USP32: variants seen among roughly 807,000 people sequenced by gnomAD.
The protein encoded by USP32 is ubiquitin carboxyl-terminal hydrolase 32.
USP32 carries 59 observed loss-of-function variants against 204.8 expected under a neutral mutation model. The ratio of observed to expected loss-of-function variants is 0.29; its 90% CI spans 0.23 to 0.36. USP32 has a LOEUF of 0.36. USP32 is among the 10% of genes least tolerant of loss of function. The probability of loss-of-function intolerance (pLI) is 1.00; values close to 1 mark genes in which losing one functional copy is unlikely to be tolerated. For missense variants in USP32, 1,160 were observed against 1,946.4 expected (o/e 0.60, Z 7.60); for synonymous variants, 517 against 678.4 (o/e 0.76, Z 3.70).
chr17:60,338,339 A>C (rs951257924), intron 2 of USP32, among the ~76,000 whole-genome samples: 1 of 151,928 alleles, frequency 6.6e-6, no homozygotes, highest in Non-Finnish European at 1.5e-5. Context: ...AAAAAAAAAA[A>C]AATACTACAT....
intron 2 of USP32, among the ~76,000 whole-genome samples, chr17:60,313,989 A>G (rs1224926037): frequency 6.6e-6 from 1 of 152,142 alleles, no homozygotes; most frequent in Non-Finnish European, 1.5e-5. Context: ...GGTATACAAG[A>G]AGTTTAAAAC....
In USP32 at chr17:60,177,681, G is replaced by A. The variant is rs1404405357; in HGVS notation, c.*1574C>T. 2.0e-5 allele frequency among the ~76,000 whole-genome samples: 3 copies of A among 152,054 alleles called. No homozygotes were observed. Among genetic ancestry groups the A allele is most frequent in the Non-Finnish European group, 4.4e-5 (3 of 67,992 alleles). On this transcript the variant is annotated 3_prime_UTR_variant, in exon 34 of 34. Coordinates refer to ENST00000300896, the MANE Select transcript of USP32 (RefSeq NM_032582.4). The stretch of plus-strand genomic sequence containing the variant: ...GACTTTATTACATTAGACAATTTAG[G>A]CCAGTCCTACCTACTTGCAATTATA...
intron 7 of USP32, among the ~76,000 whole-genome samples, chr17:60,268,509 G>A (rs2086652047): frequency 6.9e-6 from 1 of 145,794 alleles, no homozygotes; most frequent in South Asian, 2.2e-4. Context: ...GAAGTTCAAG[G>A]TTACAGTGAG....
rs1187939098 is a variant in USP32, at chr17:60,349,596, AATATAT to A, written c.59-3994_59-3989del. Among the ~76,000 whole-genome samples, 61 of 65,166 alleles carry A rather than the reference AATATAT, an allele frequency of 9.4e-4. 1 individual carries two copies. Among genetic ancestry groups the A allele is most frequent in the South Asian group, 2.2e-3 (4 of 1,848 alleles). The allele number at this position is 65,166 out of a possible 152,430, so 42.8% of individuals were successfully genotyped here. Reference sequence around the variant, plus strand: ...CTCAAAAGAAAAAAAAAAAAAAAAAAATATATATATATATATATATATATATATTAT... The same window carrying A: ...CTCAAAAGAAAAAAAAAAAAAAAAAAATATATATATATATATATATATTAT... On this transcript the variant is annotated intron_variant, in intron 1 of 33. Transcript: ENST00000300896.
intron 2 of USP32, among the ~76,000 whole-genome samples, chr17:60,322,991 A>G (rs1167072934): frequency 6.6e-6 from 1 of 152,208 alleles, no homozygotes. Context: ...AATAAAAAAC[A>G]CAGATTAATT....
chr17:60,324,274 C>T (rs982479512), intron 2 of USP32, among the ~76,000 whole-genome samples: 13 of 141,754 alleles, frequency 9.2e-5, no homozygotes, highest in African/African-American at 3.6e-4. Flanking sequence ...ACAGCAAGAC[C>T]GTGTTTCAAA....
At position 60,381,590 on chromosome 17, in the gene USP32, G is replaced by A. The variant is rs2089648276; in HGVS notation, c.58+10292C>T. On this transcript the variant is annotated intron_variant, in intron 1 of 33. Transcript: ENST00000300896. ...CTCTTCTTCAGTGGAAGGTACGTAT[G>A]CCCTATGGTTTGAAGTCAGTCGTTT... Among the ~76,000 whole-genome samples the A allele has an allele frequency of 6.6e-5, 10 of 152,242 alleles. No individual in the cohort carries two copies. The South Asian group carries it at 2.1e-3, about 32-fold the overall frequency.
chr17:60,241,944 C>T (rs1192557574), intron 11 of USP32, among the ~76,000 whole-genome samples: 1 of 152,088 alleles, frequency 6.6e-6, no homozygotes, highest in African/African-American at 2.4e-5. Flanking sequence ...ATCTTCTAAT[C>T]CCAAATCACA....
chr17:60,198,549 A>C, intron 26 of USP32, 105 bp from the exon 27 acceptor site: 1 of 1,344,818 alleles, frequency 7.4e-7, no homozygotes, highest in Non-Finnish European at 1.0e-6. Flanking sequence ...CACCATTTCA[A>C]ATCAGTCACT....
At chr17:60,262,171 ATTTTG>A (rs1280191470) in intron 9 of USP32, among the ~76,000 whole-genome samples, 1 of 151,934 alleles carries the variant, frequency 6.6e-6, no homozygotes, top group African/African-American at 2.4e-5. Flanking sequence ...TGGCTTATTT[ATTTTG>A]TTTTATGTAT....
At chr17:60,188,132 C>T (rs1279478029) in intron 29 of USP32, among the ~76,000 whole-genome samples, 2 of 152,052 alleles carry the variant, frequency 1.3e-5, no homozygotes, top group Non-Finnish European at 2.9e-5. Flanking sequence ...AGGTGCACAC[C>T]ACCACACCTG....
At chr17:60,376,546 C>G (rs1433128923) in intron 1 of USP32, among the ~76,000 whole-genome samples, 2 of 148,890 alleles carry the variant, frequency 1.3e-5, no homozygotes, top group Non-Finnish European at 3.0e-5. Flanking sequence ...TTTTTTGAGA[C>G]AGAGTCTCAC....
intron 3 of USP32, among the ~76,000 whole-genome samples, chr17:60,300,133 AT>A (rs2145886290): frequency 6.6e-6 from 1 of 152,324 alleles, no homozygotes; most frequent in African/African-American, 2.4e-5. Flanking sequence ...GACCCAGCAT[AT>A]GGTGTTCAAG....
At chr17:60,340,771 T>C (rs935026103) in intron 2 of USP32, among the ~76,000 whole-genome samples, 46 of 152,236 alleles carry the variant, frequency 3.0e-4, no homozygotes, top group African/African-American at 1.1e-3. Flanking sequence ...GCATCAATGA[T>C]CTTGACAATT....
chr17:60,184,376 T>TC (rs1381850748), intron 30 of USP32, among the ~76,000 whole-genome samples: 1 of 151,654 alleles, frequency 6.6e-6, no homozygotes. Context: ...GCCTGCCCCT[T>TC]CCCTCTAGTT....
chr17:60,280,044 T>C (rs932299886), intron 5 of USP32, among the ~76,000 whole-genome samples: 2 of 151,856 alleles, frequency 1.3e-5, no homozygotes, highest in Non-Finnish European at 2.9e-5. Context: ...TTCAGAAAAA[T>C]GTAATTACCA....
At chr17:60,285,678 A>G (rs891233714) in intron 5 of USP32, among the ~76,000 whole-genome samples, 2 of 152,238 alleles carry the variant, frequency 1.3e-5, no homozygotes, top group Non-Finnish European at 2.9e-5. Context: ...AAAGGGTACA[A>G]GTAAGGTGTT....
chr17:60,407,773 C>T (rs2143056031), intron 1 of USP32, among the ~76,000 whole-genome samples: 1 of 131,546 alleles, frequency 7.6e-6, no homozygotes, highest in Middle Eastern at 4.2e-3. Flanking sequence ...CAGAGCAAGC[C>T]TCTGTCTCAA....
At chr17:60,184,670 G>A (rs751938744) in intron 30 of USP32, among the ~76,000 whole-genome samples, 1 of 151,872 alleles carries the variant, frequency 6.6e-6, no homozygotes, top group African/African-American at 2.4e-5. Flanking sequence ...TTAGCCGGGT[G>A]GTAGTGGTGC....
Sources: gnomAD v4.1 joint callset for allele counts (sites outside exome capture counted in the v4.1 genomes callset) on GRCh38, gnomAD v4.1.1 for gene constraint, MANE v1.5 for transcripts, NCBI Gene and HGNC (gene_info 2026-07-23, HGNC 2026-07-21) for gene names.